ASAP1: variants seen among roughly 807,000 people sequenced by gnomAD.
ASAP1 encodes the protein arf-GAP with SH3 domain, ANK repeat and PH domain-containing protein 1.
In ASAP1, 43 loss-of-function variants were observed where a neutral mutation model predicts 145.2. That is an observed-to-expected ratio of 0.30 (90% CI 0.23 to 0.38). ASAP1 has a LOEUF of 0.38. Among genes scored for constraint, ASAP1 ranks in the 10% least tolerant of loss-of-function variants. The pLI is 1.00. For missense variants in ASAP1, 1,018 were observed against 1,355.3 expected (o/e 0.75, Z 3.91); for synonymous variants, 546 against 515.5 (o/e 1.06, Z -0.80).
Position 130,054,623 on chromosome 8 carries a change from T to G in ASAP1, c.*108A>C. 83 of 950,118 alleles carry G rather than the reference T, an allele frequency of 8.7e-5. No individual in the cohort carries two copies. The highest frequency in any genetic ancestry group is 1.3e-4 in the Non-Finnish European group (74 of 590,296). The allele number at this position is 950,118 out of a possible 1,614,324, so 58.9% of individuals were successfully genotyped here. A position where few individuals can be genotyped will look rare whatever the true frequency, so the allele number is the denominator to read the frequency against. ...TCCCCCTCCTGAGGTGGCCCTTCCA[T>G]GAGTTTCTTACTCTGTAACAGCAGC... On this transcript the variant is annotated 3_prime_UTR_variant, in exon 30 of 30. Coordinates refer to ENST00000518721, the MANE Select transcript of ASAP1 (RefSeq NM_018482.4).
Position 130,147,334 on chromosome 8 carries a change from CTAAT to C in ASAP1, c.1080+5398_1080+5401del, listed in dbSNP as rs553635618. ...CACTAATTCTGCCCTACATTCTGTT[CTAAT>C]TATTTATAATCAATAAACTCATTTA... On this transcript the variant is annotated intron_variant, in intron 13 of 29. Coordinates refer to ENST00000518721, the MANE Select transcript of ASAP1 (RefSeq NM_018482.4). Among the ~76,000 whole-genome samples, 30 of 150,656 alleles carry C rather than the reference CTAAT, an allele frequency of 2.0e-4. No homozygotes were observed. The South Asian group carries it at 5.7e-3, about 29-fold the overall frequency.
chr8:130,154,354 T>G (rs2097653626), intron 12 of ASAP1, among the ~76,000 whole-genome samples: 1 of 152,194 alleles, frequency 6.6e-6, no homozygotes, highest in Non-Finnish European at 1.5e-5. Context: ...AGAGAACGAA[T>G]TAAAACTTGG....
Position 130,124,000 on chromosome 8 carries a change from C to G in ASAP1, c.1607+13G>C, listed in dbSNP as rs1177588968. On this transcript the variant is annotated intron_variant, in intron 18 of 29. Coordinates refer to ENST00000518721, the MANE Select transcript of ASAP1 (RefSeq NM_018482.4). ...AATGGTTTAAAAAAGTTCAATATAT[C>G]AGAAATACTTACATATCACTTGAAG... 1 of 1,579,336 alleles carries G rather than the reference C, an allele frequency of 6.3e-7. No individual in the cohort carries two copies. Among genetic ancestry groups the G allele is most frequent in the Non-Finnish European group, 8.7e-7 (1 of 1,154,770 alleles).
chr8:130,246,216 TAGATGAGTGAAGGG>T (rs1256660519), intron 3 of ASAP1, among the ~76,000 whole-genome samples: 1 of 151,964 alleles, frequency 6.6e-6, no homozygotes, highest in Non-Finnish European at 1.5e-5. Flanking sequence ...CGAGAGAGAC[TAGATGAGTGAAGGG>T]AGATGAGTGA....
chr8:130,309,507 G>GC (rs1823198588), intron 3 of ASAP1, among the ~76,000 whole-genome samples: 1 of 152,194 alleles, frequency 6.6e-6, no homozygotes, highest in Non-Finnish European at 1.5e-5. Flanking sequence ...GGCACGGTAT[G>GC]CAACTGCTGC....
rs2097625065 is a variant in ASAP1, at chr8:130,145,137, T to C, written c.1080+7599A>G. Reference sequence around the variant, plus strand: ...CAAATATGTATTAAGTACCTACTATTTGATAGTATATAGAGTTTGGGCCAA... The same window carrying C: ...CAAATATGTATTAAGTACCTACTATCTGATAGTATATAGAGTTTGGGCCAA... On this transcript the variant is annotated intron_variant, in intron 13 of 29. Transcript: ENST00000518721. Among the ~76,000 whole-genome samples, 3 of 152,238 alleles carry C rather than the reference T, an allele frequency of 2.0e-5. 1 individual carries two copies. In the South Asian group the frequency reaches 6.2e-4, roughly 32 times the overall value.
intron 4 of ASAP1, among the ~76,000 whole-genome samples, chr8:130,219,042 T>C (rs1163636536): frequency 6.6e-6 from 1 of 152,062 alleles, no homozygotes; most frequent in Non-Finnish European, 1.5e-5. Flanking sequence ...AATAGAATGA[T>C]AGAAAATTAA....
At chr8:130,133,391 T>A (rs989135660) in intron 15 of ASAP1, among the ~76,000 whole-genome samples, 3 of 150,512 alleles carry the variant, frequency 2.0e-5, no homozygotes, top group Non-Finnish European at 4.4e-5. Flanking sequence ...GCGCGGTGGC[T>A]CACGCCTGTA....
chr8:130,080,478 CTTTT>C (rs398047411), intron 25 of ASAP1, among the ~76,000 whole-genome samples: 2 of 71,176 alleles, frequency 2.8e-5, no homozygotes, highest in South Asian at 3.5e-4. Flanking sequence ...CATTCTCTCT[CTTTT>C]TTTTTTTTTT....
rs553571760 is a variant in ASAP1 at position 130,052,961 on chromosome 8, T to G, written c.*1770A>C. 13 of 152,310 alleles carry G rather than the reference T, an allele frequency of 8.5e-5. No homozygotes were observed. Among genetic ancestry groups the G allele is most frequent in the African/African-American group, 2.9e-4 (12 of 41,572 alleles). The allele number at this position is 152,310 out of a possible 1,614,324, so 9.4% of individuals were successfully genotyped here. Reference sequence around the variant, plus strand: ...CAGCATGTCAACTGGTTCCTCATGCTCTGTTTGGTGTGGAAATTCACATGT... The same window carrying G: ...CAGCATGTCAACTGGTTCCTCATGCGCTGTTTGGTGTGGAAATTCACATGT... On this transcript the variant is annotated 3_prime_UTR_variant, in exon 30 of 30. Coordinates refer to ENST00000518721, the MANE Select transcript of ASAP1 (RefSeq NM_018482.4).
chr8:130,431,581 A>C (rs1830136290), intron 1 of ASAP1, among the ~76,000 whole-genome samples: 2 of 152,154 alleles, frequency 1.3e-5, no homozygotes, highest in South Asian at 4.2e-4. Flanking sequence ...CGGCTCAAGG[A>C]TTACACCTTG....
chr8:130,195,857 C>T (rs1005688577), intron 5 of ASAP1, among the ~76,000 whole-genome samples: 2 of 152,224 alleles, frequency 1.3e-5, no homozygotes, highest in African/African-American at 4.8e-5. Context: ...AAACAGTTTT[C>T]CCTCTGTATA....
chr8:130,370,143 A>C (rs188375891), intron 2 of ASAP1, among the ~76,000 whole-genome samples: 156 of 152,314 alleles, frequency 1.0e-3, no homozygotes, highest in Admixed American at 3.1e-3. Flanking sequence ...TCTACCAAAA[A>C]TACAAAAAAT....
chr8:130,390,983 C>G (rs79200683), intron 2 of ASAP1, among the ~76,000 whole-genome samples: 1,590 of 149,934 alleles, frequency 0.011, 24 homozygotes, highest in African/African-American at 0.038. Flanking sequence ...TTTGTATACC[C>G]ATATTCATAG....
intron 3 of ASAP1, among the ~76,000 whole-genome samples, chr8:130,276,728 A>ACACTCTCACT (rs548512902): frequency 1.1e-5 from 1 of 87,272 alleles, no homozygotes; most frequent in Non-Finnish European, 2.2e-5. Context: ...ACACACACAC[A>ACACTCTCACT]CTCTCTCTCT....
chr8:130,374,362 T>C (rs1827376720), intron 2 of ASAP1, among the ~76,000 whole-genome samples: 1 of 152,224 alleles, frequency 6.6e-6, no homozygotes, highest in Non-Finnish European at 1.5e-5. Context: ...ATTTCTCTGA[T>C]GATGTTAATT....
chr8:130,230,933 C>CA (rs1341793288), intron 4 of ASAP1, among the ~76,000 whole-genome samples: 1 of 152,092 alleles, frequency 6.6e-6, no homozygotes, highest in Non-Finnish European at 1.5e-5. Context: ...CATGGTAAGA[C>CA]ACCGAACCTA....
chr8:130,126,792 G>A (rs2097575588), intron 16 of ASAP1, among the ~76,000 whole-genome samples: 1 of 152,178 alleles, frequency 6.6e-6, no homozygotes, highest in African/African-American at 2.4e-5. Flanking sequence ...TTCTCTCTGA[G>A]GTGCTTATGG....
At chr8:130,139,588 G>A (rs2097604615) in intron 13 of ASAP1, among the ~76,000 whole-genome samples, 1 of 152,016 alleles carries the variant, frequency 6.6e-6, no homozygotes. Context: ...ACTTAGCTAA[G>A]CATGACGGCG....
Sources: allele counts gnomAD v4.1 joint callset (sites outside exome capture counted in the v4.1 genomes callset), GRCh38; gene constraint gnomAD v4.1.1; transcripts MANE v1.5; gene names NCBI Gene and HGNC (gene_info 2026-07-23, HGNC 2026-07-21).